The following PHF14 variants were observed in gnomAD, a reference collection of about 807,000 sequenced individuals.
PHF14 encodes the protein PHD finger protein 14.
Under a neutral mutation model 117.9 loss-of-function variants are expected in PHF14, and 55 were observed. That is an observed-to-expected ratio of 0.47 (90% CI 0.38 to 0.58). The LOEUF is 0.58. PHF14 is among the 20% of genes least tolerant of loss of function. The pLI is 0.00. For missense variants in PHF14, 978 were observed against 1,122.2 expected (o/e 0.87, Z 1.84); for synonymous variants, 409 against 368.6 (o/e 1.11, Z -1.26).
At chr7:11,146,317 T>C (rs1309477954) in intron 17 of PHF14, among the ~76,000 whole-genome samples, 2 of 152,192 alleles carry the variant, frequency 1.3e-5, no homozygotes, top group Non-Finnish European at 2.9e-5. Context: ...AATTTCTTTT[T>C]CAATATTTTC....
chr7:10,980,237 G>A (rs1782005502), intron 2 of PHF14, among the ~76,000 whole-genome samples: 1 of 151,990 alleles, frequency 6.6e-6, no homozygotes, highest in African/African-American at 2.4e-5. Flanking sequence ...TTGATAAAAA[G>A]CCTTCTAGAA....
chr7:11,132,783 GATA>G (rs758072113), intron 17 of PHF14, among the ~76,000 whole-genome samples: 9 of 151,618 alleles, frequency 5.9e-5, no homozygotes, highest in Non-Finnish European at 1.0e-4. Flanking sequence ...TTGACTTTTT[GATA>G]ATTAGCCATC....
intron 17 of PHF14, among the ~76,000 whole-genome samples, chr7:11,118,564 T>G (rs1312091396): frequency 1.3e-5 from 2 of 151,952 alleles, no homozygotes; most frequent in African/African-American, 4.8e-5. Flanking sequence ...ACTGAACATT[T>G]ATGTCCTGAA....
intron 17 of PHF14, among the ~76,000 whole-genome samples, chr7:11,122,008 C>A (rs1787770185): frequency 6.6e-6 from 1 of 151,614 alleles, no homozygotes; most frequent in South Asian, 2.1e-4. Context: ...GCACTTCCTC[C>A]CCTTGCCCTA....
chr7:11,096,189 C>T (rs1052025098), intron 16 of PHF14, among the ~76,000 whole-genome samples: 3 of 152,038 alleles, frequency 2.0e-5, no homozygotes, highest in African/African-American at 7.2e-5. Context: ...TGGATATTTG[C>T]ATGTAAACTT....
chr7:11,032,843 C>A (rs1784166910), intron 7 of PHF14, among the ~76,000 whole-genome samples: 1 of 152,194 alleles, frequency 6.6e-6, no homozygotes, highest in South Asian at 2.1e-4. Context: ...CAGAGTTGGG[C>A]TCTAGTTACC....
chr7:10,975,971 C>T (rs1781849898), intron 2 of PHF14, among the ~76,000 whole-genome samples: 2 of 152,170 alleles, frequency 1.3e-5, no homozygotes, highest in African/African-American at 4.8e-5. Flanking sequence ...TTGTGATTTA[C>T]TGATAACTTT....
Position 11,169,488 on chromosome 7 carries a change from T to G in PHF14, c.2845T>G (p.Ter949GluextTer30). 6.9e-7 allele frequency: 1 copy of G among 1,445,478 alleles called. No individual in the cohort carries two copies. Among genetic ancestry groups the G allele is most frequent in the Non-Finnish European group, 9.4e-7 (1 of 1,069,346 alleles). The allele number at this position is 1,445,478 out of a possible 1,614,324, so 89.5% of individuals were successfully genotyped here. Residue 949 changes from the stop codon to glutamate, a stop_lost, in exon 18 of 18, where the codon TAA becomes GAA. Coordinates refer to ENST00000634607, the MANE Select transcript of PHF14 (RefSeq NM_001007157.2). ...LNMEQKNPKK[*>E] ...CATGGAACAGAAAAATCCAAAGAAA[T>G]AAAAGATTTTCTGTAGTGTTTTTGA...
chr7:10,983,020 G>C lies in PHF14; in HGVS notation c.761G>C (p.Gly254Ala). 1 of 1,586,068 alleles carries C rather than the reference G, an allele frequency of 6.3e-7. No individual in the cohort carries two copies. Among genetic ancestry groups the C allele is most frequent in the Non-Finnish European group, 8.6e-7 (1 of 1,169,120 alleles). The change falls in exon 3 of 18, where the codon GGC becomes GCC. Residue 254 changes from glycine (G) to alanine (A), a missense_variant. By Grantham distance (60) the Gly-to-Ala change is moderately conservative (BLOSUM62 0). This residue lies in a region of PHF14 where 414 missense variants were observed against 376.4 expected (regional missense o/e 1.10). Coordinates refer to ENST00000634607, the MANE Select transcript of PHF14 (RefSeq NM_001007157.2). ...SGSDEDENDE[G>A]NDEDHSSPAS... is the part of the protein sequence containing the mutation. ...AGTGATGAAGACGAGAATGATGAAG[G>C]CAATGATGAAGATCATAGTAGCCCT...
chr7:10,982,620 A>G lies in PHF14; in HGVS notation c.361A>G (p.Lys121Glu). The change falls in exon 3 of 18, where the codon AAA becomes GAA. Residue 121 changes from lysine (K) to glutamate (E), a missense_variant. Around this residue, in one of 7 missense-constraint regions of PHF14, gnomAD observed 414 missense variants for 376.4 expected, o/e 1.10. Transcript: ENST00000634607. ...AAAGAAAAAGGAGAAAGAGAAGGAA[A>G]AAGAAAAGGAAAAGGAGAAAGAGAA... ...PRKKKEKEKE[K>E]EKEKEKEKER... is the part of the protein sequence containing the mutation. 6.5e-7 allele frequency: 1 copy of G among 1,534,876 alleles called. No homozygotes were observed.
chr7:11,050,077 A>G (rs975774969), intron 13 of PHF14, among the ~76,000 whole-genome samples: 36 of 151,658 alleles, frequency 2.4e-4, no homozygotes, highest in African/African-American at 8.0e-4. Context: ...TATTTTAGTA[A>G]TAATATGTTT....
At chr7:11,153,244 C>G (rs1788750321) in intron 17 of PHF14, among the ~76,000 whole-genome samples, 1 of 152,044 alleles carries the variant, frequency 6.6e-6, no homozygotes, top group Non-Finnish European at 1.5e-5. Flanking sequence ...ATAGAAAGCA[C>G]TAGACAGATT....
intron 16 of PHF14, among the ~76,000 whole-genome samples, chr7:11,102,004 C>T (rs1037466581): frequency 6.6e-6 from 1 of 151,672 alleles, no homozygotes; most frequent in Non-Finnish European, 1.5e-5. Context: ...ATTTCTTCCC[C>T]GAGTCTCTGT....
intron 7 of PHF14, among the ~76,000 whole-genome samples, chr7:11,029,145 C>T (rs941686659): frequency 1.3e-5 from 2 of 152,112 alleles, no homozygotes; most frequent in African/African-American, 4.8e-5. Context: ...ATACGAGAAG[C>T]TGAAACTGTA....
At chr7:11,148,373 C>A (rs1057158312) in intron 17 of PHF14, among the ~76,000 whole-genome samples, 10 of 152,158 alleles carry the variant, frequency 6.6e-5, no homozygotes, top group African/African-American at 2.4e-4. Context: ...GTGCTCTTTT[C>A]TACTTTAGGA....
At chr7:11,084,372 G>T (rs1425186952) in intron 16 of PHF14, among the ~76,000 whole-genome samples, 2 of 152,104 alleles carry the variant, frequency 1.3e-5, no homozygotes, top group Non-Finnish European at 2.9e-5. Flanking sequence ...GTCCCTTTGA[G>T]GGCACAGAAT....
intron 17 of PHF14, among the ~76,000 whole-genome samples, chr7:11,111,901 G>A (rs565847069): frequency 1.9e-4 from 3 of 15,394 alleles, no homozygotes; most frequent in African/African-American, 8.3e-4. Context: ...TATAGAATCT[G>A]TTCCTTTAAA....
intron 16 of PHF14, 100 bp from the exon 17 acceptor site, chr7:11,111,250 A>C (rs1379585423): frequency 2.0e-6 from 1 of 510,730 alleles, no homozygotes; most frequent in African/African-American, 2.0e-5. Context: ...AACAGTGTTG[A>C]AGTTGAAATA....
chr7:11,052,661 G>C (rs1463633793), intron 14 of PHF14, among the ~76,000 whole-genome samples: 1 of 152,130 alleles, frequency 6.6e-6, no homozygotes, highest in South Asian at 2.1e-4. Flanking sequence ...GTGTGGTACA[G>C]GGAAAATAGT....
Sources: allele counts gnomAD v4.1 joint callset (sites outside exome capture counted in the v4.1 genomes callset), GRCh38; gene constraint gnomAD v4.1.1; regional missense constraint gnomAD v4.1.1; transcripts MANE v1.5; gene names NCBI Gene and HGNC (gene_info 2026-07-23, HGNC 2026-07-21).